Variants in ABCA8 observed in about 807,000 individuals in gnomAD.
ABCA8 encodes ATP binding cassette subfamily A member 8.
In ABCA8, 177 loss-of-function variants were observed where a neutral mutation model predicts 192.3. The ratio of observed to expected loss-of-function variants is 0.92; its 90% confidence interval spans 0.81 to 1.04. The LOEUF (loss-of-function observed/expected upper bound fraction) is 1.04. ABCA8 is among the 50% of genes least tolerant of loss of function. The probability of loss-of-function intolerance (pLI) is 0.00; values close to 1 mark genes in which losing one functional copy is unlikely to be tolerated. For synonymous variants in ABCA8, 642 were observed against 690.2 expected, an observed-to-expected ratio of 0.93 and a Z score of 1.09; for missense variants, 1,915 against 1,904.8, an observed-to-expected ratio of 1.01 and a Z score of -0.10.
intron 19 of ABCA8, 133 bp from the exon 20 acceptor site, chr17:68,903,632 TA>T: frequency 1.4e-6 from 1 of 709,350 alleles, no homozygotes; most frequent in Non-Finnish European, 2.3e-6. Context: ...GTTACTGCCT[TA>T]AAATACAGAA....
chr17:68,912,025 T>A (rs890919382), intron 17 of ABCA8, among the ~76,000 whole-genome samples: 2 of 152,094 alleles, frequency 1.3e-5, no homozygotes, highest in African/African-American at 4.8e-5. Flanking sequence ...AAGACTACAT[T>A]AAATACCTAA....
chr17:68,883,529 C>G (rs1454234037), intron 29 of ABCA8, among the ~76,000 whole-genome samples: 1 of 152,084 alleles, frequency 6.6e-6, no homozygotes, highest in Non-Finnish European at 1.5e-5. Context: ...TGGGACCTGC[C>G]ACATTTAACT....
intron 2 of ABCA8, 49 bp from the exon 3 acceptor site, chr17:68,942,088 GAAA>G (rs745350136): frequency 1.3e-4 from 176 of 1,397,742 alleles, no homozygotes; most frequent in African/African-American, 1.7e-4. Context: ...AAGTTCTTAA[GAAA>G]AAGAAATATC....
At chr17:68,876,073 T>C (rs1036264994) in intron 35 of ABCA8, among the ~76,000 whole-genome samples, 7 of 152,112 alleles carry the variant, frequency 4.6e-5, no homozygotes, top group Non-Finnish European at 1.0e-4. Flanking sequence ...CACAACCTAG[T>C]GAGAAGAAAA....
chr17:68,946,408 G>A (rs1361378486), intron 2 of ABCA8, among the ~76,000 whole-genome samples: 1 of 152,066 alleles, frequency 6.6e-6, no homozygotes, highest in Non-Finnish European at 1.5e-5. Context: ...TGAGCACAGA[G>A]CTATACTCCA....
chr17:68,918,449 A>T lies in ABCA8; in HGVS notation c.1886T>A (p.Ile629Asn). 6.4e-7 allele frequency: 1 copy of T among 1,573,592 alleles called. No homozygotes were observed. The highest frequency in any genetic ancestry group is 1.2e-5 in the South Asian group (1 of 86,798). Residue 629 changes from isoleucine to asparagine, a missense_variant, in exon 15 of 40, where the codon ATT (isoleucine) becomes AAT (asparagine). By Grantham distance (149) the Ile-to-Asn change is moderately radical. Transcript: ENST00000586539. Reference sequence around the variant, plus strand: ...CACCTGAGGATCTCCTAAAATGGCAATCCCAAAGGTTAGCTTTCTTTTCTG... The same window carrying T: ...CACCTGAGGATCTCCTAAAATGGCATTCCCAAAGGTTAGCTTTCTTTTCTG... ...GGQKRKLTFG[I>N]AILGDPQIFL... is the part of the protein sequence containing the mutation.
Position 68,927,986 on chromosome 17 carries a change from T to G in ABCA8, c.1203A>C (p.Thr401=). The stretch of plus-strand genomic sequence containing the variant: ...AAGTGTCAAATGCCAACATGAAATT[T>G]GTTGCTACAATGAGATTTGAGCCGT... ...PSDGSNLIVA[T]NFMLAFDTCL... The change falls in exon 10 of 40, where the codon ACA becomes ACC. Residue 401 remains threonine, a synonymous_variant. Coordinates refer to ENST00000586539, the MANE Select transcript of ABCA8 (RefSeq NM_001288985.2). 1 of 1,609,330 alleles carries G rather than the reference T, an allele frequency of 6.2e-7. No individual in the cohort carries two copies. Among genetic ancestry groups the G allele is most frequent in the East Asian group, 2.2e-5 (1 of 44,692 alleles).
intron 2 of ABCA8, among the ~76,000 whole-genome samples, chr17:68,942,490 C>T (rs779486088): frequency 7.2e-5 from 11 of 152,102 alleles, no homozygotes; most frequent in Non-Finnish European, 1.5e-4. Flanking sequence ...ATTGTTTTCT[C>T]CAATGCAAAG....
chr17:68,894,255 A>G lies in ABCA8; in HGVS notation c.2954T>C (p.Leu985Pro). The G allele has an allele frequency of 6.2e-7, 1 of 1,612,744 alleles. No individual in the cohort carries two copies. Among genetic ancestry groups the G allele is most frequent in the South Asian group, 1.1e-5 (1 of 90,814 alleles). The part of the protein sequence containing the change: ...NAKRLNCFPV[L>P]MDIVSNGLLG... ...TAGCCCATTACTAACAATGTCCATA[A>G]GAACTGGGAAGCAATTCAATCTTTT... Residue 985 changes from leucine to proline, a missense_variant, in exon 23 of 40, where the codon CTT becomes CCT. By Grantham distance (98) the Leu-to-Pro change is moderately conservative. Coordinates refer to ENST00000586539, the MANE Select transcript of ABCA8 (RefSeq NM_001288985.2).
At chr17:68,906,470 C>G (rs2067070990) in intron 18 of ABCA8, among the ~76,000 whole-genome samples, 1 of 151,988 alleles carries the variant, frequency 6.6e-6, no homozygotes, top group African/African-American at 2.4e-5. Context: ...TTGTGAGACT[C>G]TGGGTTTTTC....
At chr17:68,935,164 G>T (rs1267141879) in intron 5 of ABCA8, among the ~76,000 whole-genome samples, 2 of 148,564 alleles carry the variant, frequency 1.3e-5, no homozygotes, top group Non-Finnish European at 3.0e-5. Context: ...GTGCAATCTC[G>T]GCTCACTGCA....
intron 2 of ABCA8, among the ~76,000 whole-genome samples, chr17:68,947,400 A>G (rs1022961562): frequency 6.6e-6 from 1 of 152,218 alleles, no homozygotes; most frequent in Admixed American, 6.5e-5. Flanking sequence ...GTTACAGTGT[A>G]CTATAATTTA....
chr17:68,907,530 A>T (rs925822678), intron 18 of ABCA8, among the ~76,000 whole-genome samples: 2 of 152,166 alleles, frequency 1.3e-5, no homozygotes, highest in African/African-American at 4.8e-5. Flanking sequence ...AAGCCCTCTA[A>T]AATGCCCAGG....
Position 68,868,128 on chromosome 17 carries a change from T to A in ABCA8, c.4823A>T (p.Asp1608Val), listed in dbSNP as rs1370362955. 3.1e-6 allele frequency: 5 copies of A among 1,613,066 alleles called. No individual in the cohort carries two copies. The highest frequency in any genetic ancestry group is 4.2e-6 in the Non-Finnish European group (5 of 1,179,600). ...QELGDFEEDF[D>V]PSVKWKLLPQ... Reference sequence around the variant, plus strand: ...GAGGAGCTTCCACTTCACTGAGGGATCAAAATCCTCCTCAAAATCACCCAG... The same window carrying A: ...GAGGAGCTTCCACTTCACTGAGGGAACAAAATCCTCCTCAAAATCACCCAG... Residue 1608 changes from aspartate to valine, a missense_variant, in exon 40 of 40, where the codon GAT becomes GTT. Transcript: ENST00000586539.
rs34529710 is a variant in ABCA8, at chr17:68,868,098, T to TG, written c.4852dup (p.Gln1618ProfsTer33). ...GAATTTGGGGTTTTAAGGCTCTTCC[T>TG]GGGGGAGGAGCTTCCACTTCACTGA... On this transcript the variant is annotated frameshift_variant, in exon 40 of 40. Coordinates refer to ENST00000586539, the MANE Select transcript of ABCA8 (RefSeq NM_001288985.2). LOFTEE classifies it high-confidence loss of function. The TG allele has an allele frequency of 2.5e-6, 4 of 1,611,708 alleles. No individual in the cohort carries two copies. Among genetic ancestry groups the TG allele is most frequent in the Non-Finnish European group, 3.4e-6 (4 of 1,179,088 alleles).
intron 7 of ABCA8, 143 bp from the exon 8 acceptor site, chr17:68,929,845 T>C (rs1328306104): frequency 2.6e-6 from 2 of 769,328 alleles, no homozygotes; most frequent in African/African-American, 3.5e-5. Context: ...TGTTCTAAGA[T>C]ATATAAATAC....
At position 68,919,179 on chromosome 17, in the gene ABCA8, G is replaced by A. The variant is rs191651939; in HGVS notation, c.1788+122C>T. 135 of 924,752 alleles carry A rather than the reference G, an allele frequency of 1.5e-4. 1 individual carries two copies. In the East Asian group the frequency reaches 3.0e-3, roughly 20 times the overall value. 57.3% of individuals were successfully genotyped at this position (924,752 alleles called of 1,614,324 possible). A position where few individuals can be genotyped will look rare whatever the true frequency, so the allele number is the denominator to read the frequency against. ...GCAATGTTAGCTATTGTTTAAATTG[G>A]ATTTTCTTGTCCAACAATTGTACAA... is the stretch of plus-strand genomic sequence containing the variant. On this transcript the variant is annotated intron_variant, in intron 14 of 39. Transcript: ENST00000586539.
chr17:68,933,387 G>T, intron 5 of ABCA8, 116 bp from the exon 6 acceptor site: 1 of 630,632 alleles, frequency 1.6e-6, no homozygotes, highest in Non-Finnish European at 2.7e-6. Flanking sequence ...AATTCCAAAT[G>T]TTCTTATTTT....
In ABCA8 at chr17:68,872,636, A is replaced by G. The variant is rs567891919; in HGVS notation, c.4631+2624T>C. Among the ~76,000 whole-genome samples the G allele has an allele frequency of 2.0e-5, 3 of 152,174 alleles. No homozygotes were observed. In the South Asian group the frequency reaches 6.2e-4, roughly 32 times the overall value. On this transcript the variant is annotated intron_variant, in intron 37 of 39. Transcript: ENST00000586539. ...TAAAAAAAAAGAAGAAGGCATTGCT[A>G]TCACAGGAGATGACAGCTCCACATG...
Sources: allele counts gnomAD v4.1 joint callset (sites outside exome capture counted in the v4.1 genomes callset), GRCh38; gene constraint gnomAD v4.1.1; transcripts MANE v1.5; gene names NCBI Gene and HGNC (gene_info 2026-07-23, HGNC 2026-07-21).